PTPRM: variants seen among roughly 807,000 people sequenced by gnomAD.
The protein encoded by PTPRM is receptor-type tyrosine-protein phosphatase mu.
Under a neutral mutation model 186.7 loss-of-function variants are expected in PTPRM, and 47 were observed. That is an observed-to-expected ratio of 0.25 (90% CI 0.20 to 0.32). The LOEUF (loss-of-function observed/expected upper bound fraction) is 0.32, where lower values mean the gene tolerates loss of function less well. Ranked by LOEUF, PTPRM falls within the 10% of genes least tolerant of loss-of-function variation. The pLI, the probability that PTPRM is intolerant of heterozygous loss-of-function variation, is 1.00. For synonymous variants in PTPRM, 668 were observed against 674.9 expected (o/e 0.99, Z 0.16); for missense variants, 1,494 against 1,865.0 (o/e 0.80, Z 3.66).
intron 19 of PTPRM, among the ~76,000 whole-genome samples, chr18:8,279,717 T>G (rs182238533): frequency 2.6e-5 from 4 of 152,192 alleles, no homozygotes; most frequent in East Asian, 1.9e-4. Flanking sequence ...ATGGAGAGGA[T>G]GCTCAGAGAA....
At chr18:7,998,902 G>A (rs550827836) in intron 7 of PTPRM, among the ~76,000 whole-genome samples, 3 of 152,218 alleles carry the variant, frequency 2.0e-5, no homozygotes, top group African/African-American at 7.2e-5. Flanking sequence ...TGATCTACCC[G>A]CCTTGGCCTC....
At chr18:7,623,494 G>A (rs2037989069) in intron 1 of PTPRM, among the ~76,000 whole-genome samples, 1 of 152,084 alleles carries the variant, frequency 6.6e-6, no homozygotes, top group South Asian at 2.1e-4. Flanking sequence ...CAGCCTGCCT[G>A]TTTCAGTGGT....
chr18:8,226,666 A>C (rs558479900), intron 14 of PTPRM, among the ~76,000 whole-genome samples: 2 of 152,320 alleles, frequency 1.3e-5, no homozygotes, highest in East Asian at 3.9e-4. Context: ...ACACTGTTTG[A>C]TTATATGCCT....
intron 1 of PTPRM, among the ~76,000 whole-genome samples, chr18:7,689,545 T>C (rs532111928): frequency 1.2e-4 from 19 of 152,250 alleles, no homozygotes; most frequent in Non-Finnish European, 2.4e-4. Context: ...AGTTAAGCCC[T>C]ATGGCCTCCT....
intron 19 of PTPRM, among the ~76,000 whole-genome samples, chr18:8,275,841 CTT>C (rs756622336): frequency 7.2e-5 from 11 of 152,186 alleles, no homozygotes; most frequent in African/African-American, 1.2e-4. Context: ...TACCACCAGA[CTT>C]TGCTTTCCTG....
At chr18:8,139,997 T>C (rs1444398670) in intron 13 of PTPRM, among the ~76,000 whole-genome samples, 2 of 152,230 alleles carry the variant, frequency 1.3e-5, no homozygotes, top group Non-Finnish European at 2.9e-5. Context: ...GTTGAATAAA[T>C]GAAGAATATT....
chr18:8,175,825 C>T lies in PTPRM; in HGVS notation c.2300+32046C>T, dbSNP rs931577301. ...TGCCTTGAAACATTACGTATTTTAG[C>T]GTGAGAATTGTCTCACCGGCAGAGA... is the stretch of plus-strand genomic sequence containing the variant. On this transcript the variant is annotated intron_variant, in intron 14 of 32. Coordinates refer to ENST00000580170, the MANE Select transcript of PTPRM (RefSeq NM_001105244.2). Among the ~76,000 whole-genome samples the T allele has an allele frequency of 2.6e-5, 4 of 152,254 alleles. No homozygotes were observed. In the South Asian group the frequency reaches 6.2e-4, roughly 24 times the overall value.
intron 11 of PTPRM, among the ~76,000 whole-genome samples, chr18:8,091,767 C>T (rs1326599604): frequency 6.6e-6 from 1 of 152,042 alleles, no homozygotes; most frequent in Non-Finnish European, 1.5e-5. Context: ...TTAAAATTCT[C>T]AATTTCATGT....
intron 3 of PTPRM, among the ~76,000 whole-genome samples, chr18:7,899,580 A>G (rs1020150512): frequency 5.3e-5 from 8 of 152,308 alleles, no homozygotes; most frequent in Admixed American, 3.3e-4. Flanking sequence ...AGATTGGGCT[A>G]AAGGGCAAAA....
chr18:7,702,773 C>A (rs1271019348), intron 1 of PTPRM, among the ~76,000 whole-genome samples: 3 of 152,186 alleles, frequency 2.0e-5, no homozygotes, highest in Non-Finnish European at 4.4e-5. Flanking sequence ...TTGCCCATGC[C>A]TATGTCCTGA....
intron 11 of PTPRM, among the ~76,000 whole-genome samples, chr18:8,106,331 T>TTG (rs2091516984): frequency 6.6e-6 from 1 of 152,072 alleles, no homozygotes; most frequent in South Asian, 2.1e-4. Flanking sequence ...GGCTTTTTTT[T>TTG]TTGTTGCTGT....
intron 2 of PTPRM, among the ~76,000 whole-genome samples, chr18:7,870,639 C>T (rs1487053530): frequency 6.6e-6 from 1 of 152,084 alleles, no homozygotes; most frequent in Non-Finnish European, 1.5e-5. Flanking sequence ...ATTACACTGC[C>T]TACCAATCAA....
intron 8 of PTPRM, among the ~76,000 whole-genome samples, chr18:8,073,325 T>C (rs549108944): frequency 1.1e-4 from 16 of 152,230 alleles, no homozygotes; most frequent in African/African-American, 3.9e-4. Flanking sequence ...CTCATCTTAG[T>C]TATCTTGATG....
chr18:7,630,269 A>G (rs73939315), intron 1 of PTPRM, among the ~76,000 whole-genome samples: 13,033 of 152,138 alleles, frequency 0.086, 805 homozygotes, highest in South Asian at 0.2. Flanking sequence ...GAGGAAAACC[A>G]GGATTCGGCC....
Position 7,568,746 on chromosome 18 carries a change from G to A in PTPRM, c.73+855G>A, listed in dbSNP as rs1029241721. On this transcript the variant is annotated intron_variant, in intron 1 of 32. Transcript: ENST00000580170. The surrounding 1 kb of genome is among the most constrained non-coding windows in gnomAD (Gnocchi z 5.1). The stretch of plus-strand genomic sequence containing the variant: ...CGCGTGTGTGCCTGCACGCGCGCGC[G>A]GGGGCGTTCTAAGCCCAGAGGAACC... Among the ~76,000 whole-genome samples, 5 of 152,158 alleles carry A rather than the reference G, an allele frequency of 3.3e-5. No homozygotes were observed. Among genetic ancestry groups the A allele is most frequent in the African/African-American group, 9.6e-5 (4 of 41,468 alleles).
chr18:8,281,796 T>C (rs568647483), intron 19 of PTPRM, among the ~76,000 whole-genome samples: 3 of 152,326 alleles, frequency 2.0e-5, no homozygotes, highest in Non-Finnish European at 4.4e-5. Flanking sequence ...CAATATTAGC[T>C]ATTATTTAGT....
Position 7,734,401 on chromosome 18 carries a change from A to G in PTPRM, c.74-39748A>G, listed in dbSNP as rs576192387. 5.3e-5 allele frequency among the ~76,000 whole-genome samples: 8 copies of G among 152,364 alleles called. No individual in the cohort carries two copies. The South Asian group carries it at 1.2e-3, about 24-fold the overall frequency. On this transcript the variant is annotated intron_variant, in intron 1 of 32. Transcript: ENST00000580170. ...AATTTGATTTTGGCTTATCTAATAA[A>G]TATGGGATCTGTTTATATTATTGTG...
chr18:7,591,962 T>C (rs1396699699), intron 1 of PTPRM, among the ~76,000 whole-genome samples: 1 of 152,122 alleles, frequency 6.6e-6, no homozygotes, highest in Admixed American at 6.5e-5. Context: ...GTCCCGTTGC[T>C]TATTCCTGCC....
At chr18:8,352,652 G>GTTTTTTTTTTTTTTTTTTTTTTT (rs142090056) in intron 23 of PTPRM, among the ~76,000 whole-genome samples, 1 of 102,254 alleles carries the variant, frequency 9.8e-6, no homozygotes, top group African/African-American at 3.3e-5. Flanking sequence ...TTTTTGGTTT[G>GTTTTTTTTTTTTTTTTTTTTTTT]GTTTTTTTTG....
Sources: gnomAD v4.1 joint callset for allele counts (sites outside exome capture counted in the v4.1 genomes callset) on GRCh38, gnomAD v4.1.1 for gene constraint, Gnocchi (gnomAD v3.1) non-coding constraint, MANE v1.5 for transcripts, NCBI Gene and HGNC (gene_info 2026-07-23, HGNC 2026-07-21) for gene names.